The following BFSP2 variants were observed in gnomAD, a reference collection of about 807,000 sequenced individuals.
BFSP2 encodes phakinin.
A neutral mutation model predicts 44.9 loss-of-function variants in BFSP2; 38 were observed. That is an observed-to-expected ratio of 0.85 (90% CI 0.65 to 1.11). The LOEUF is 1.11. Ranked by LOEUF, BFSP2 falls within the 50% of genes least tolerant of loss-of-function variation. The pLI, the probability that BFSP2 is intolerant of heterozygous loss-of-function variation, is 0.00. For synonymous variants in BFSP2, 197 were observed against 209.9 expected (o/e 0.94, Z 0.53); for missense variants, 525 against 533.0 (o/e 0.99, Z 0.15).
At chr3:133,463,190 T>C (rs1022035386) in intron 4 of BFSP2, among the ~76,000 whole-genome samples, 19 of 152,056 alleles carry the variant, frequency 1.2e-4, no homozygotes, top group African/African-American at 4.3e-4. Flanking sequence ...GCGCCTGTAA[T>C]CTCAGCTACT....
At chr3:133,461,510 C>A (rs146870345) in intron 4 of BFSP2, among the ~76,000 whole-genome samples, 3 of 152,090 alleles carry the variant, frequency 2.0e-5, no homozygotes, top group Non-Finnish European at 1.5e-5. Flanking sequence ...CAAAACACAG[C>A]CCCACCTTCC....
intron 1 of BFSP2, among the ~76,000 whole-genome samples, chr3:133,407,489 A>ATT (rs146501411): frequency 6.6e-6 from 1 of 151,202 alleles, no homozygotes; most frequent in African/African-American, 2.4e-5. Context: ...TTAAAATTCC[A>ATT]TTTTTTTTTC....
intron 1 of BFSP2, chr3:133,410,745 A>C: frequency 4.3e-6 from 1 of 231,086 alleles, no homozygotes; most frequent in South Asian, 8.0e-5. Context: ...TGAGCGCTAC[A>C]GTAGCCAATC....
chr3:133,403,643 A>C (rs1296480656), intron 1 of BFSP2, among the ~76,000 whole-genome samples: 1 of 152,162 alleles, frequency 6.6e-6, no homozygotes, highest in Non-Finnish European at 1.5e-5. Flanking sequence ...AGCAGGCAAC[A>C]ATTTCCATAA....
chr3:133,430,592 G>A (rs1011178364), intron 1 of BFSP2, among the ~76,000 whole-genome samples: 1 of 152,118 alleles, frequency 6.6e-6, no homozygotes, highest in East Asian at 1.9e-4. Context: ...CACCCTACAA[G>A]ATCTAAATAA....
chr3:133,435,690 C>T (rs928134475), intron 1 of BFSP2, among the ~76,000 whole-genome samples: 8 of 152,276 alleles, frequency 5.3e-5, no homozygotes, highest in East Asian at 1.9e-4. Flanking sequence ...ATTCTTTCTG[C>T]GATCAATAAT....
intron 1 of BFSP2, among the ~76,000 whole-genome samples, chr3:133,418,635 G>A (rs921548733): frequency 6.6e-6 from 1 of 152,268 alleles, no homozygotes; most frequent in Non-Finnish European, 1.5e-5. Context: ...CAGGCACTCT[G>A]GGAGTTCTCT....
intron 1 of BFSP2, among the ~76,000 whole-genome samples, chr3:133,414,664 T>G (rs1237430187): frequency 4.3e-5 from 4 of 92,746 alleles, no homozygotes; most frequent in African/African-American, 1.9e-4. Context: ...CTCACTCCCC[T>G]CTACTCACTC....
intron 1 of BFSP2, among the ~76,000 whole-genome samples, chr3:133,437,844 G>C (rs1465371390): frequency 6.6e-6 from 1 of 152,172 alleles, no homozygotes; most frequent in African/African-American, 2.4e-5. Context: ...GCTCAGTGGG[G>C]AAGCAAAACA....
At position 133,475,126 on chromosome 3, in the gene BFSP2, C is replaced by A; in HGVS notation, c.*154C>A. On this transcript the variant is annotated 3_prime_UTR_variant, in exon 7 of 7. Coordinates refer to ENST00000302334, the MANE Select transcript of BFSP2 (RefSeq NM_003571.4). ...AAAGCTTCCTGGAAGTGGAGAGGAT[C>A]CTTCTGCTTTAATCTGAGTAGTCTG... The A allele has an allele frequency of 1.9e-6, 2 of 1,061,508 alleles. No individual in the cohort carries two copies. Among genetic ancestry groups the A allele is most frequent in the Non-Finnish European group, 2.9e-6 (2 of 690,478 alleles). The allele number at this position is 1,061,508 out of a possible 1,614,324, so 65.8% of individuals were successfully genotyped here.
At chr3:133,415,061 C>T (rs139815763) in intron 1 of BFSP2, among the ~76,000 whole-genome samples, 1,410 of 140,208 alleles carry the variant, frequency 0.01, 23 homozygotes, top group East Asian at 0.043. Context: ...CACTCCTGTC[C>T]TCTCCCCTCT....
chr3:133,445,925 A>AT (rs1311074005), intron 1 of BFSP2, among the ~76,000 whole-genome samples: 1 of 152,202 alleles, frequency 6.6e-6, no homozygotes, highest in African/African-American at 2.4e-5. Flanking sequence ...ATAAATCACT[A>AT]TTTTAAGCCA....
chr3:133,415,572 C>T lies in BFSP2; in HGVS notation c.489+15000C>T, dbSNP rs116291837. Among the ~76,000 whole-genome samples, 542 of 101,260 alleles carry T rather than the reference C, an allele frequency of 5.4e-3. 26 individuals are homozygous for T. Among genetic ancestry groups the T allele is most frequent in the African/African-American group, 0.021 (504 of 23,612 alleles). The allele number at this position is 101,260 out of a possible 152,430, so 66.4% of individuals were successfully genotyped here. On this transcript the variant is annotated intron_variant, in intron 1 of 6. Transcript: ENST00000302334. ...CCCCTCTACTCACCCCTGCCCCCTC[C>T]GCTCTACTCACCCCTGCCCCCTCCG...
intron 1 of BFSP2, among the ~76,000 whole-genome samples, chr3:133,419,711 C>A (rs2073575719): frequency 6.6e-6 from 1 of 152,232 alleles, no homozygotes; most frequent in African/African-American, 2.4e-5. Flanking sequence ...TCCGACCCAT[C>A]AGATGGCTCA....
At chr3:133,456,582 A>G (rs545037157) in intron 4 of BFSP2, among the ~76,000 whole-genome samples, 17 of 152,166 alleles carry the variant, frequency 1.1e-4, no homozygotes, top group Admixed American at 3.9e-4. Context: ...CCCTGTCTCC[A>G]CAAAAATACA....
intron 1 of BFSP2, among the ~76,000 whole-genome samples, chr3:133,419,175 T>C (rs1018779987): frequency 1.3e-5 from 2 of 152,176 alleles, no homozygotes; most frequent in African/African-American, 2.4e-5. Context: ...ACCAGGCATC[T>C]TGGAGTAGGG....
At chr3:133,465,114 CTG>C (rs1392778598) in intron 4 of BFSP2, among the ~76,000 whole-genome samples, 1 of 151,088 alleles carries the variant, frequency 6.6e-6, no homozygotes. Context: ...CAAGAATTCT[CTG>C]TCTCAGCCTC....
At chr3:133,434,567 A>G (rs1442316946) in intron 1 of BFSP2, among the ~76,000 whole-genome samples, 1 of 152,150 alleles carries the variant, frequency 6.6e-6, no homozygotes, top group Non-Finnish European at 1.5e-5. Flanking sequence ...AGCCATCGCA[A>G]CCCCTGTGAC....
chr3:133,420,740 G>T (rs2073585538), intron 1 of BFSP2, among the ~76,000 whole-genome samples: 1 of 152,182 alleles, frequency 6.6e-6, no homozygotes, highest in Non-Finnish European at 1.5e-5. Flanking sequence ...CCCCTGTGAG[G>T]CTGGGGGCTG....
Sources: gnomAD v4.1 joint callset for allele counts (sites outside exome capture counted in the v4.1 genomes callset) on GRCh38, gnomAD v4.1.1 for gene constraint, MANE v1.5 for transcripts, NCBI Gene and HGNC (gene_info 2026-07-23, HGNC 2026-07-21) for gene names.